Variants in FBXO25 observed in about 807,000 individuals in gnomAD.
FBXO25 encodes F-box protein 25, also known as F-box only protein 25.
A neutral mutation model predicts 51.9 loss-of-function variants in FBXO25; 45 were observed. The observed-to-expected ratio is 0.87, with a 90% CI of 0.68 to 1.11. FBXO25 has a LOEUF of 1.11. Ranked by LOEUF, FBXO25 falls within the 50% of genes most tolerant of loss-of-function variation. The pLI is 0.00. For missense variants in FBXO25, 507 were observed against 428.5 expected, an observed-to-expected ratio of 1.18 and a Z score of -1.62; for synonymous variants, 199 against 151.0, an observed-to-expected ratio of 1.32 and a Z score of -2.33.
intron 5 of FBXO25, among the ~76,000 whole-genome samples, chr8:437,394 A>G (rs1478542832): frequency 6.6e-6 from 1 of 152,092 alleles, no homozygotes; most frequent in Non-Finnish European, 1.5e-5. Context: ...CTGTCCCAGC[A>G]CCCTCACAGG....
chr8:429,465 G>A (rs1424230992), intron 2 of FBXO25, among the ~76,000 whole-genome samples: 1 of 152,178 alleles, frequency 6.6e-6, no homozygotes, highest in Non-Finnish European at 1.5e-5. Flanking sequence ...GTTATAAAAA[G>A]AGAACATGTT....
chr8:454,160 T>C (rs1340409500), intron 7 of FBXO25, among the ~76,000 whole-genome samples: 1 of 152,196 alleles, frequency 6.6e-6, no homozygotes, highest in Non-Finnish European at 1.5e-5. Flanking sequence ...TAAATCTAAA[T>C]ACTCATAGTC....
intron 2 of FBXO25, among the ~76,000 whole-genome samples, chr8:414,345 GT>G (rs1226368158): frequency 1.3e-5 from 2 of 152,062 alleles, no homozygotes; most frequent in African/African-American, 4.8e-5. Flanking sequence ...TTTTATGGCA[GT>G]TTTTTTAAAA....
chr8:458,945 C>T (rs1034998260), intron 8 of FBXO25, among the ~76,000 whole-genome samples: 5 of 152,172 alleles, frequency 3.3e-5, no homozygotes, highest in Non-Finnish European at 7.3e-5. Context: ...CTCAGTCTCT[C>T]AGCACTCGGT....
At chr8:452,092 T>A (rs970708129) in intron 7 of FBXO25, among the ~76,000 whole-genome samples, 1 of 152,212 alleles carries the variant, frequency 6.6e-6, no homozygotes, top group African/African-American at 2.4e-5. Flanking sequence ...TATAAATGAT[T>A]CTGCAGATTG....
At chr8:415,623 G>C (rs1246782322) in intron 2 of FBXO25, among the ~76,000 whole-genome samples, 1 of 152,186 alleles carries the variant, frequency 6.6e-6, no homozygotes, top group Non-Finnish European at 1.5e-5. Context: ...GCTGGACAGA[G>C]GGTCAGGATC....
Position 467,884 on chromosome 8 carries a change from A to C in FBXO25, c.988-831A>C, listed in dbSNP as rs551393722. On this transcript the variant is annotated intron_variant, in intron 9 of 9. Transcript: ENST00000350302. Reference sequence around the variant, plus strand: ...CTTGAGCTTTCTCAGGACCCTGAGCAGGGCTGAGTGGCCACTTTGATCAAA... The same window carrying C: ...CTTGAGCTTTCTCAGGACCCTGAGCCGGGCTGAGTGGCCACTTTGATCAAA... 2.0e-6 allele frequency: 3 copies of C among 1,535,098 alleles called. No homozygotes were observed. The East Asian group carries it at 6.9e-5, about 35-fold the overall frequency.
At chr8:423,636 T>C (rs1797290877) in intron 2 of FBXO25, among the ~76,000 whole-genome samples, 1 of 152,256 alleles carries the variant, frequency 6.6e-6, no homozygotes, top group Non-Finnish European at 1.5e-5. Context: ...TCCTTTTTTA[T>C]GGCTGTGTAG....
At position 413,124 on chromosome 8, in the gene FBXO25, G is replaced by A. The variant is rs1796585414; in HGVS notation, c.45G>A (p.Trp15Ter). The A allele has an allele frequency of 6.2e-7, 1 of 1,609,680 alleles. No individual in the cohort carries two copies. Among genetic ancestry groups the A allele is most frequent in the Non-Finnish European group, 8.5e-7 (1 of 1,178,108 alleles). Residue 15 changes from tryptophan to a stop codon, truncating the protein, a stop_gained, in exon 2 of 10, where the codon TGG (tryptophan) becomes TGA (stop). Transcript: ENST00000350302. LOFTEE classifies it high-confidence loss of function. Reference sequence around the variant, plus strand: ...ACTGGAGATCTCCTGGATGGAGTTGGATTAAGACAGAAGATGGCTGGAAGA... The same window carrying A: ...ACTGGAGATCTCCTGGATGGAGTTGAATTAAGACAGAAGATGGCTGGAAGA... Reference protein sequence around the residue: ...GQDWRSPGWSWIKTEDGWKRC... With the variant: ...GQDWRSPGWS
chr8:423,007 A>G (rs55652174), intron 2 of FBXO25, among the ~76,000 whole-genome samples: 20,749 of 151,962 alleles, frequency 0.14, 1,531 homozygotes, highest in Middle Eastern at 0.17. Context: ...ATCTTGGAGC[A>G]TGACGTGAGG....
At chr8:445,915 C>T (rs1296601311) in intron 5 of FBXO25, among the ~76,000 whole-genome samples, 1 of 152,190 alleles carries the variant, frequency 6.6e-6, no homozygotes, top group African/African-American at 2.4e-5. Flanking sequence ...TGTCTCACAC[C>T]TTGGCACCCT....
chr8:474,746 C>G lies in FBXO25; in HGVS notation c.*5942C>G, dbSNP rs534153457. 20 of 456,590 alleles carry G rather than the reference C, an allele frequency of 4.4e-5. No homozygotes were observed. Among genetic ancestry groups the G allele is most frequent in the Non-Finnish European group, 7.9e-5 (18 of 226,950 alleles). 28.3% of individuals were successfully genotyped at this position (456,590 alleles called of 1,614,324 possible). A position where few individuals can be genotyped will look rare whatever the true frequency, so the allele number is the denominator to read the frequency against. ...GTTTTTATATGTTCTGGGTATTCAC[C>G]CTTTTCAGATATATCATTTTAAAAT... is the stretch of plus-strand genomic sequence containing the variant. On this transcript the variant is annotated 3_prime_UTR_variant, in exon 10 of 10. Transcript: ENST00000350302.
intron 9 of FBXO25, among the ~76,000 whole-genome samples, chr8:467,126 T>C (rs1316065315): frequency 2.0e-5 from 3 of 152,062 alleles, no homozygotes; most frequent in Admixed American, 6.6e-5. Context: ...GGGGAACCGC[T>C]TTGCTAGTAG....
At chr8:460,789 AAATT>A (rs1799758833) in intron 8 of FBXO25, among the ~76,000 whole-genome samples, 1 of 152,252 alleles carries the variant, frequency 6.6e-6, no homozygotes, top group African/African-American at 2.4e-5. Context: ...GAGGACAGAG[AAATT>A]AATATTAAAT....
chr8:447,399 C>G (rs993204688), intron 5 of FBXO25, among the ~76,000 whole-genome samples: 2 of 152,132 alleles, frequency 1.3e-5, no homozygotes, highest in African/African-American at 4.8e-5. Context: ...AGGTGACCGT[C>G]ACCGCATGGA....
intron 5 of FBXO25, among the ~76,000 whole-genome samples, chr8:440,023 T>G (rs1197361037): frequency 2.0e-5 from 3 of 152,156 alleles, no homozygotes; most frequent in Non-Finnish European, 4.4e-5. Flanking sequence ...AGCAACTTAA[T>G]AGCAGCAGCC....
At chr8:446,044 G>T (rs112389535) in intron 5 of FBXO25, among the ~76,000 whole-genome samples, 1 of 151,808 alleles carries the variant, frequency 6.6e-6, no homozygotes, top group Non-Finnish European at 1.5e-5. Context: ...CTGGTGTCTG[G>T]TGGGATGGAG....
At chr8:437,512 C>G (rs1219955019) in intron 5 of FBXO25, among the ~76,000 whole-genome samples, 1 of 152,210 alleles carries the variant, frequency 6.6e-6, no homozygotes, top group African/African-American at 2.4e-5. Flanking sequence ...TCGCTCTGGA[C>G]CTTGCACACC....
intron 2 of FBXO25, among the ~76,000 whole-genome samples, chr8:430,302 T>A (rs1797749431): frequency 6.6e-6 from 1 of 152,248 alleles, no homozygotes; most frequent in African/African-American, 2.4e-5. Context: ...CATAAATTGC[T>A]GTTATAATGT....
Sources: gnomAD v4.1 joint callset for allele counts (sites outside exome capture counted in the v4.1 genomes callset) on GRCh38, gnomAD v4.1.1 for gene constraint, MANE v1.5 for transcripts, NCBI Gene and HGNC (gene_info 2026-07-23, HGNC 2026-07-21) for gene names.